Variants in MYOM3 observed in about 807,000 individuals in gnomAD.
The protein encoded by MYOM3 is myomesin-3.
MYOM3 carries 155 observed loss-of-function variants against 191.7 expected under a neutral mutation model. The observed-to-expected ratio is 0.81, with a 90% CI of 0.71 to 0.92. The LOEUF (loss-of-function observed/expected upper bound fraction) is 0.92, where lower values mean the gene tolerates loss of function less well. Ranked by LOEUF, MYOM3 falls within the 40% of genes least tolerant of loss-of-function variation. MYOM3 has a pLI of 0.00. For synonymous variants in MYOM3, 757 were observed against 762.9 expected, an observed-to-expected ratio of 0.99 and a Z score of 0.13; for missense variants, 1,889 against 1,890.6, an observed-to-expected ratio of 1.00 and a Z score of 0.02.
At chr1:24,064,201 C>A (rs1486730302) in intron 29 of MYOM3, 42 bp from the exon 30 acceptor site, 1 of 1,526,254 alleles carries the variant, frequency 6.6e-7, no homozygotes, top group Admixed American at 1.7e-5. Flanking sequence ...GCATGGGCTC[C>A]AGAAGGAGAG....
At position 24,092,949 on chromosome 1, in the gene MYOM3, C is replaced by G; in HGVS notation, c.1088G>C (p.Arg363Thr). The G allele has an allele frequency of 1.3e-6, 2 of 1,567,750 alleles. No individual in the cohort carries two copies. The highest frequency in any genetic ancestry group is 2.7e-5 in the African/African-American group (2 of 73,912). ...CCTGCGCCCACCCATGCCCTCACCT[C>G]TCACAAGCACGTAGGTGCTCTGTTC... Reference protein sequence around the residue: ...PREQSTYVLVRDAEAENPGAP... With the variant: ...PREQSTYVLVTDAEAENPGAP... Residue 363 changes from arginine to threonine, a missense_variant and splice_region_variant, in exon 10 of 37, where the codon AGA (arginine) becomes ACA (threonine). By Grantham distance (71) the Arg-to-Thr change is moderately conservative. Coordinates refer to ENST00000374434, the MANE Select transcript of MYOM3 (RefSeq NM_152372.4).
intron 28 of MYOM3, 28 bp downstream of exon 28, chr1:24,066,993 C>T (rs1208311711): frequency 2.6e-6 from 4 of 1,551,862 alleles, no homozygotes; most frequent in African/African-American, 1.4e-5. Context: ...CTGCACTGGG[C>T]CTGGGGGCAG....
chr1:24,107,227 G>C lies in MYOM3; in HGVS notation c.248C>G (p.Ala83Gly). 1 of 1,592,818 alleles carries C rather than the reference G, an allele frequency of 6.3e-7. No homozygotes were observed. The highest frequency in any genetic ancestry group is 1.1e-5 in the South Asian group (1 of 87,684). Residue 83 changes from alanine to glycine, a missense_variant, in exon 4 of 37, where the codon GCC becomes GGC. By Grantham distance (60) the Ala-to-Gly change is moderately conservative. Transcript: ENST00000374434. ...GGCAGAGGTCTGGCGTCTCAGCTGG[G>C]CTTCCCTGCCGTGACAGAGGCCATC... The part of the protein sequence containing the change: ...LTASSELSWE[A>G]QLRRQTSAVE...
chr1:24,069,967 A>G lies in MYOM3; in HGVS notation c.3150+1150T>C, dbSNP rs185093858. 3.9e-5 allele frequency among the ~76,000 whole-genome samples: 6 copies of G among 152,162 alleles called. No individual in the cohort carries two copies. In the East Asian group the frequency reaches 1.2e-3, roughly 29 times the overall value. ...TCTGGAGATGAAATTCACAAATAAT[A>G]TGAGATTGAGTCATGAATTTGAATC... is the stretch of plus-strand genomic sequence containing the variant. On this transcript the variant is annotated intron_variant, in intron 25 of 36. Transcript: ENST00000374434.
chr1:24,062,161 G>C, intron 32 of MYOM3, 52 bp from the exon 33 acceptor site: 1 of 1,600,122 alleles, frequency 6.2e-7, no homozygotes, highest in African/African-American at 1.3e-5. Context: ...CAGGTCAACA[G>C]ATACCCGTGC....
chr1:24,108,800 G>C, intron 1 of MYOM3, 146 bp from the exon 2 acceptor site: 1 of 599,624 alleles, frequency 1.7e-6, no homozygotes. Flanking sequence ...TGAGGTCTGA[G>C]AGGGAGAGGG....
At chr1:24,081,200 G>T in intron 19 of MYOM3, 130 bp downstream of exon 19, 2 of 1,216,536 alleles carry the variant, frequency 1.6e-6, no homozygotes, top group Non-Finnish European at 2.3e-6. Context: ...GCAAGGGCCA[G>T]GGGCCTGGGG....
chr1:24,058,029 A>T (rs184635361), intron 36 of MYOM3, among the ~76,000 whole-genome samples: 156 of 151,738 alleles, frequency 1.0e-3, no homozygotes, highest in Non-Finnish European at 9.6e-4. Flanking sequence ...CTGGTCTTAA[A>T]CTCCTGACCT....
Position 24,067,071 on chromosome 1 carries a change from GC to G in MYOM3, c.3372del (p.Pro1125ArgfsTer14), listed in dbSNP as rs1643445798. The G allele has an allele frequency of 6.3e-6, 10 of 1,578,380 alleles. No homozygotes were observed. Among genetic ancestry groups the G allele is most frequent in the Non-Finnish European group, 8.6e-6 (10 of 1,159,814 alleles). On this transcript the variant is annotated frameshift_variant, in exon 28 of 37. Coordinates refer to ENST00000374434, the MANE Select transcript of MYOM3 (RefSeq NM_152372.4). LOFTEE classifies it high-confidence loss of function. ...TCCTCCGTGACCTTCCACTGCAACGGCCGCTCAAAATAGGGACCTGTGCGTG... is the reference window on the plus strand; with the variant it reads ...TCCTCCGTGACCTTCCACTGCAACGGCGCTCAAAATAGGGACCTGTGCGTG... ...WKRKQGPYFERPLQWKVTEDC... is the reference protein window; with the variant it reads ...WKRKQGPYFEXPLQWKVTEDC...
intron 23 of MYOM3, among the ~76,000 whole-genome samples, chr1:24,072,790 C>A (rs903970019): frequency 6.6e-6 from 1 of 152,200 alleles, no homozygotes; most frequent in African/African-American, 2.4e-5. Flanking sequence ...CCGCCTCAGC[C>A]TCCCAAAGTG....
Position 24,080,067 on chromosome 1 carries a change from A to G in MYOM3, c.2535T>C (p.Ser845=). ...GYHVSFQEEG[S]EQWKPVTPGP... is the part of the protein sequence containing the mutation. ...CTGGGGTGACCGGCTTCCACTGCTC[A>G]GAGCCTTCCTCCTGGAAACTGACGT... Residue 845 remains serine (S), a synonymous_variant, in exon 20 of 37, where the codon TCT becomes TCC. Transcript: ENST00000374434. 6.2e-7 allele frequency: 1 copy of G among 1,614,114 alleles called. No individual in the cohort carries two copies. Among genetic ancestry groups the G allele is most frequent in the Non-Finnish European group, 8.5e-7 (1 of 1,180,006 alleles).
intron 14 of MYOM3, 88 bp from the exon 15 acceptor site, chr1:24,086,915 C>T (rs906322324): frequency 2.8e-5 from 39 of 1,379,960 alleles, no homozygotes; most frequent in African/African-American, 4.3e-5. Context: ...GTCCCCAGCC[C>T]GTGTGCTCTC....
chr1:24,080,250 C>A, intron 19 of MYOM3, 56 bp from the exon 20 acceptor site: 1 of 1,436,398 alleles, frequency 7.0e-7, no homozygotes, highest in Non-Finnish European at 9.6e-7. Context: ...AGGCAGCCAG[C>A]CAGGTAAGCA....
Position 24,060,503 on chromosome 1 carries a change from C to T in MYOM3, c.3994+557G>A, listed in dbSNP as rs1003669170. 5.3e-5 allele frequency among the ~76,000 whole-genome samples: 8 copies of T among 152,332 alleles called. No individual in the cohort carries two copies. In the East Asian group the frequency reaches 1.5e-3, roughly 29 times the overall value. ...GCTGCCTGCCCGGGTCTTTCCCTCA[C>T]TGAAATCCTTACTCCTCATCTGCTG... On this transcript the variant is annotated intron_variant, in intron 35 of 36. Coordinates refer to ENST00000374434, the MANE Select transcript of MYOM3 (RefSeq NM_152372.4).
At position 24,090,839 on chromosome 1, in the gene MYOM3, A is replaced by G. The variant is rs1435288819; in HGVS notation, c.1390T>C (p.Leu464=). 6.2e-7 allele frequency: 1 copy of G among 1,613,764 alleles called. No individual in the cohort carries two copies. The highest frequency in any genetic ancestry group is 8.5e-7 in the Non-Finnish European group (1 of 1,179,966). The change falls in exon 12 of 37, where the codon TTG becomes CTG. Residue 464 remains leucine (L), a synonymous_variant. Coordinates refer to ENST00000374434, the MANE Select transcript of MYOM3 (RefSeq NM_152372.4). ...GCATCATGGTCACCCATGACAACCAACTCTGAGGCCTTGGAGGGGACGCTG... is the reference window on the plus strand; with the variant it reads ...GCATCATGGTCACCCATGACAACCAGCTCTGAGGCCTTGGAGGGGACGCTG... ...GSSVPSKASE[L]VVMGDHDAAR...
chr1:24,088,323 T>A lies in MYOM3; in HGVS notation c.1614+1215A>T, dbSNP rs189214702. Among the ~76,000 whole-genome samples, 138 of 152,334 alleles carry A rather than the reference T, an allele frequency of 9.1e-4. 1 individual carries two copies. Among genetic ancestry groups the A allele is most frequent in the Non-Finnish European group, 1.5e-3 (99 of 68,028 alleles). On this transcript the variant is annotated intron_variant, in intron 14 of 36. Transcript: ENST00000374434. ...TGCCATAAGAAACCATGAACACTGCTGAGCTCCTACTGTGTGCCAGGCTCC... is the reference window on the plus strand; with the variant it reads ...TGCCATAAGAAACCATGAACACTGCAGAGCTCCTACTGTGTGCCAGGCTCC...
chr1:24,070,663 A>G (rs1326936291), intron 25 of MYOM3, among the ~76,000 whole-genome samples: 1 of 152,216 alleles, frequency 6.6e-6, no homozygotes, highest in East Asian at 1.9e-4. Flanking sequence ...TAAGGCCAGG[A>G]GTTCAAGACC....
intron 6 of MYOM3, among the ~76,000 whole-genome samples, chr1:24,099,072 T>C (rs1033844141): frequency 4.6e-5 from 7 of 152,170 alleles, no homozygotes; most frequent in Admixed American, 1.3e-4. Flanking sequence ...GCAGCTGATA[T>C]GAATGATGAG....
intron 15 of MYOM3, among the ~76,000 whole-genome samples, chr1:24,085,138 A>T (rs955472818): frequency 6.6e-6 from 1 of 151,582 alleles, no homozygotes; most frequent in African/African-American, 2.4e-5. Flanking sequence ...GGATGGATGG[A>T]TGGACAGATG....
Sources: allele counts gnomAD v4.1 joint callset (sites outside exome capture counted in the v4.1 genomes callset), GRCh38; gene constraint gnomAD v4.1.1; transcripts MANE v1.5; gene names NCBI Gene and HGNC (gene_info 2026-07-23, HGNC 2026-07-21).